FAM162B: variants seen among roughly 807,000 people sequenced by gnomAD.
The protein encoded by FAM162B is family with sequence similarity 162 member B.
In FAM162B, 16 loss-of-function variants were observed where a neutral mutation model predicts 20.0. The ratio of observed to expected loss-of-function variants is 0.80; its 90% CI spans 0.54 to 1.21. The LOEUF is 1.21. Among genes scored for constraint, FAM162B ranks in the 50% most tolerant of loss-of-function variants. FAM162B has a pLI of 0.00. For missense variants in FAM162B, 260 were observed against 227.5 expected, an observed-to-expected ratio of 1.14 and a Z score of -0.92; for synonymous variants, 83 against 89.7, an observed-to-expected ratio of 0.93 and a Z score of 0.42.
intron 3 of FAM162B, among the ~76,000 whole-genome samples, chr6:116,755,595 G>A (rs926393259): frequency 6.6e-6 from 1 of 152,174 alleles, no homozygotes; most frequent in African/African-American, 2.4e-5. Flanking sequence ...CTAAAATACA[G>A]TTTTTCAATG....
intron 3 of FAM162B, among the ~76,000 whole-genome samples, chr6:116,761,220 G>A (rs985885506): frequency 1.3e-5 from 2 of 152,152 alleles, no homozygotes; most frequent in Non-Finnish European, 2.9e-5. Flanking sequence ...CCAGTAGATG[G>A]AAGGATTTTG....
At position 116,765,655 on chromosome 6, in the gene FAM162B, C is replaced by A; in HGVS notation, c.-79G>T. On this transcript the variant is annotated 5_prime_UTR_variant, in exon 1 of 4. Coordinates refer to ENST00000368557, the MANE Select transcript of FAM162B (RefSeq NM_001085480.3). Reference sequence around the variant, plus strand: ...TGTCCCCGCAGCTCTCCTCGTCCCGCCCCGGCCTGCCGCGCGCTGGAGAGC... The same window carrying A: ...TGTCCCCGCAGCTCTCCTCGTCCCGACCCGGCCTGCCGCGCGCTGGAGAGC... 1 of 1,242,086 alleles carries A rather than the reference C, an allele frequency of 8.1e-7. No homozygotes were observed. The highest frequency in any genetic ancestry group is 1.0e-6 in the Non-Finnish European group (1 of 993,632). 76.9% of individuals were successfully genotyped at this position (1,242,086 alleles called of 1,614,324 possible).
At chr6:116,765,332 C>A in intron 1 of FAM162B, 73 bp downstream of exon 1, 2 of 1,546,718 alleles carry the variant, frequency 1.3e-6, no homozygotes, top group East Asian at 2.4e-5. Flanking sequence ...CAAGCCGACT[C>A]CCGGGCCGGC....
rs532676237 is a variant in FAM162B, at chr6:116,752,424, A to C, written c.*173T>G. On this transcript the variant is annotated 3_prime_UTR_variant, in exon 4 of 4. Coordinates refer to ENST00000368557, the MANE Select transcript of FAM162B (RefSeq NM_001085480.3). ...ACAGTTTTGTCCACTTTTTGAATGCATGGTATACTTCAGTAAAAGTTTACT... is the reference window on the plus strand; with the variant it reads ...ACAGTTTTGTCCACTTTTTGAATGCCTGGTATACTTCAGTAAAAGTTTACT... The C allele has an allele frequency of 3.6e-6, 1 of 274,698 alleles. No homozygotes were observed. The highest frequency in any genetic ancestry group is 8.3e-5 in the South Asian group (1 of 11,990). The allele number at this position is 274,698 out of a possible 1,614,324, so 17.0% of individuals were successfully genotyped here. A position where few individuals can be genotyped will look rare whatever the true frequency, so the allele number is the denominator to read the frequency against.
intron 3 of FAM162B, among the ~76,000 whole-genome samples, chr6:116,759,368 C>A (rs1780106524): frequency 6.7e-6 from 1 of 148,956 alleles, no homozygotes; most frequent in South Asian, 2.1e-4. Flanking sequence ...GTGGCACAAT[C>A]TCGGATCACT....
intron 2 of FAM162B, among the ~76,000 whole-genome samples, chr6:116,763,191 C>G (rs1771833208): frequency 6.6e-6 from 1 of 152,122 alleles, no homozygotes; most frequent in Non-Finnish European, 1.5e-5. Flanking sequence ...ATTATATTTG[C>G]TGCTAACTTT....
rs139330180 is a variant in FAM162B at position 116,756,361 on chromosome 6, C to A, written c.391-3666G>T. Among the ~76,000 whole-genome samples, 4 of 152,194 alleles carry A rather than the reference C, an allele frequency of 2.6e-5. No individual in the cohort carries two copies. In the East Asian group the frequency reaches 5.8e-4, roughly 22 times the overall value. On this transcript the variant is annotated intron_variant, in intron 3 of 3. Coordinates refer to ENST00000368557, the MANE Select transcript of FAM162B (RefSeq NM_001085480.3). ...AACAGAACTGGAATTCATAGTGGAG[C>A]CTGAAAACAAAATTGAATTGCTATA...
At chr6:116,757,862 G>C (rs566958314) in intron 3 of FAM162B, among the ~76,000 whole-genome samples, 1 of 152,230 alleles carries the variant, frequency 6.6e-6, no homozygotes, top group Admixed American at 6.5e-5. Context: ...CAGTTTGATG[G>C]AGCGTTTGAG....
At chr6:116,753,974 C>A (rs117736883) in intron 3 of FAM162B, among the ~76,000 whole-genome samples, 391 of 152,296 alleles carry the variant, frequency 2.6e-3, no homozygotes, top group Non-Finnish European at 3.4e-3. Flanking sequence ...ATTCCCAATG[C>A]TCTCACTTCA....
At chr6:116,761,681 C>CTT (rs1205610037) in intron 3 of FAM162B, among the ~76,000 whole-genome samples, 2,742 of 68,314 alleles carry the variant, frequency 0.04, 35 homozygotes, top group South Asian at 0.079. Context: ...CTTATATATA[C>CTT]ATATATACAT....
chr6:116,759,339 T>TCGCCCAGGCTG (rs1273454029), intron 3 of FAM162B, among the ~76,000 whole-genome samples: 132 of 150,978 alleles, frequency 8.7e-4, no homozygotes, highest in African/African-American at 2.9e-3. Flanking sequence ...AGAGTCTCTG[T>TCGCCCAGGCTG]CGCCCAGGCT....
At chr6:116,757,352 A>T (rs866291661) in intron 3 of FAM162B, among the ~76,000 whole-genome samples, 21 of 152,336 alleles carry the variant, frequency 1.4e-4, no homozygotes, top group Middle Eastern at 6.8e-3. Context: ...TTTCAGTTGT[A>T]TTGTTACTAT....
chr6:116,761,663 T>C (rs1342274528), intron 3 of FAM162B, among the ~76,000 whole-genome samples: 2 of 62,410 alleles, frequency 3.2e-5, no homozygotes, highest in East Asian at 4.4e-4. Context: ...TATATACTTA[T>C]ATATATACTT....
chr6:116,764,302 A>G (rs1217821906), intron 2 of FAM162B, among the ~76,000 whole-genome samples: 1 of 152,150 alleles, frequency 6.6e-6, no homozygotes, highest in Admixed American at 6.5e-5. Flanking sequence ...TTAGTCTTTT[A>G]TTTTTAAAAG....
At chr6:116,762,285 T>C (rs910930508) in intron 2 of FAM162B, among the ~76,000 whole-genome samples, 200 bp from the exon 3 acceptor site, 14 of 152,214 alleles carry the variant, frequency 9.2e-5, no homozygotes, top group Admixed American at 3.3e-4. Flanking sequence ...TATTCAGATC[T>C]TAAATTAATG....
chr6:116,765,585 C>T lies in FAM162B; in HGVS notation c.-9G>A. 7.5e-7 allele frequency: 1 copy of T among 1,324,818 alleles called. No homozygotes were observed. Among genetic ancestry groups the T allele is most frequent in the Non-Finnish European group, 9.6e-7 (1 of 1,044,740 alleles). 82.1% of individuals were successfully genotyped at this position (1,324,818 alleles called of 1,614,324 possible). A position where few individuals can be genotyped will look rare whatever the true frequency, so the allele number is the denominator to read the frequency against. ...CCGACCGCCCTGAGCATGCTGCCCGCTTGTCCCGCGCCGCACCCGCACCTC... is the reference window on the plus strand; with the variant it reads ...CCGACCGCCCTGAGCATGCTGCCCGTTTGTCCCGCGCCGCACCCGCACCTC... On this transcript the variant is annotated 5_prime_UTR_variant, in exon 1 of 4. Transcript: ENST00000368557.
intron 2 of FAM162B, among the ~76,000 whole-genome samples, chr6:116,764,530 T>C (rs1282438302): frequency 6.6e-6 from 1 of 152,132 alleles, no homozygotes; most frequent in East Asian, 1.9e-4. Context: ...TTATCATCTG[T>C]CTTGGTGGGT....
chr6:116,765,389 C>G lies in FAM162B; in HGVS notation c.172+16G>C. ...CTCCTCCCTCCCAGGACCTCCCCGT[C>G]GGAGCCCTGGCTCACCGTGACCTTG... On this transcript the variant is annotated intron_variant, in intron 1 of 3. Coordinates refer to ENST00000368557, the MANE Select transcript of FAM162B (RefSeq NM_001085480.3). 2 of 1,479,340 alleles carry G rather than the reference C, an allele frequency of 1.4e-6. No homozygotes were observed. Among genetic ancestry groups the G allele is most frequent in the Non-Finnish European group, 1.8e-6 (2 of 1,112,102 alleles). 91.6% of individuals were successfully genotyped at this position (1,479,340 alleles called of 1,614,324 possible).
intron 3 of FAM162B, among the ~76,000 whole-genome samples, chr6:116,758,046 A>G (rs1208815552): frequency 4.6e-5 from 7 of 152,228 alleles, no homozygotes; most frequent in African/African-American, 1.4e-4. Context: ...GATACAGTAG[A>G]GAAGAAAAAC....
Sources: gnomAD v4.1 joint callset for allele counts (sites outside exome capture counted in the v4.1 genomes callset) on GRCh38, gnomAD v4.1.1 for gene constraint, MANE v1.5 for transcripts, NCBI Gene and HGNC (gene_info 2026-07-23, HGNC 2026-07-21) for gene names.